Variants in COL23A1 observed in about 807,000 individuals in gnomAD.
The protein encoded by COL23A1 is collagen type XXIII alpha 1 chain.
Under a neutral mutation model 99.3 loss-of-function variants are expected in COL23A1, and 97 were observed. That is an observed-to-expected ratio of 0.98 (90% CI 0.83 to 1.16). The LOEUF (loss-of-function observed/expected upper bound fraction) is 1.16, where lower values mean the gene tolerates loss of function less well. Ranked by LOEUF, COL23A1 falls within the 50% of genes most tolerant of loss-of-function variation. COL23A1 has a pLI of 0.00. For synonymous variants in COL23A1, 320 were observed against 308.2 expected (o/e 1.04, Z -0.40); for missense variants, 762 against 757.4 (o/e 1.01, Z -0.07).
chr5:178,457,697 T>C (rs1196934634), intron 2 of COL23A1, among the ~76,000 whole-genome samples: 1 of 152,050 alleles, frequency 6.6e-6, no homozygotes, highest in Admixed American at 6.5e-5. Flanking sequence ...ATTTCACAGA[T>C]TGTTGGAGGC....
At chr5:178,358,761 GTGTA>G (rs1258986346) in intron 2 of COL23A1, among the ~76,000 whole-genome samples, 8 of 145,532 alleles carry the variant, frequency 5.5e-5, no homozygotes, top group East Asian at 3.9e-4. Flanking sequence ...ATCTGTGTGT[GTGTA>G]TGTGTGTGTA....
At chr5:178,498,978 T>C (rs1243019593) in intron 2 of COL23A1, among the ~76,000 whole-genome samples, 1 of 151,740 alleles carries the variant, frequency 6.6e-6, no homozygotes, top group Non-Finnish European at 1.5e-5. Context: ...TAATCCCAGC[T>C]ACTCAGGAGG....
chr5:178,348,594 C>T (rs1273318152), intron 2 of COL23A1, among the ~76,000 whole-genome samples: 1 of 152,194 alleles, frequency 6.6e-6, no homozygotes, highest in Non-Finnish European at 1.5e-5. Context: ...GTGCCTCACG[C>T]CCATTTACTA....
chr5:178,377,226 C>T (rs1458806479), intron 2 of COL23A1, among the ~76,000 whole-genome samples: 2 of 152,204 alleles, frequency 1.3e-5, no homozygotes, highest in Admixed American at 6.5e-5. Context: ...GATCTTCTCC[C>T]GTAACGGGCT....
chr5:178,262,060 G>C (rs1244861026), intron 10 of COL23A1, among the ~76,000 whole-genome samples, 157 bp downstream of exon 10: 1 of 152,144 alleles, frequency 6.6e-6, no homozygotes. Flanking sequence ...AGGTGCACAG[G>C]GGTCCACACA....
intron 3 of COL23A1, among the ~76,000 whole-genome samples, chr5:178,295,005 C>CAAAACAA (rs958183001): frequency 6.6e-6 from 1 of 150,882 alleles, no homozygotes; most frequent in African/African-American, 2.5e-5. Context: ...CAAAACAAAA[C>CAAAACAA]AAAACAAAAA....
intron 2 of COL23A1, among the ~76,000 whole-genome samples, chr5:178,429,685 G>A (rs1392766056): frequency 1.3e-5 from 2 of 151,738 alleles, no homozygotes; most frequent in East Asian, 2.0e-4. Context: ...ACTCCCTACT[G>A]CCTCCCCCAG....
intron 2 of COL23A1, among the ~76,000 whole-genome samples, chr5:178,440,573 T>C (rs72808860): frequency 0.058 from 8,855 of 152,172 alleles, 366 homozygotes; most frequent in Middle Eastern, 0.16. Flanking sequence ...ATGCGGTGTA[T>C]ACAGTAAGTA....
At chr5:178,358,144 GTATGTGTA>G (rs1370583587) in intron 2 of COL23A1, among the ~76,000 whole-genome samples, 1 of 149,232 alleles carries the variant, frequency 6.7e-6, no homozygotes, top group Non-Finnish European at 1.5e-5. Context: ...TAATGTGTGT[GTATGTGTA>G]TGTGTGTATG....
intron 2 of COL23A1, among the ~76,000 whole-genome samples, chr5:178,547,483 A>ACCCACCCAC (rs1159633407): frequency 8.2e-6 from 1 of 121,730 alleles, no homozygotes; most frequent in Non-Finnish European, 1.8e-5. Flanking sequence ...ACACCCACAC[A>ACCCACCCAC]CACACCCACA....
intron 2 of COL23A1, among the ~76,000 whole-genome samples, chr5:178,527,023 GA>G (rs1265032852): frequency 3.3e-5 from 5 of 152,274 alleles, no homozygotes; most frequent in Non-Finnish European, 7.3e-5. Flanking sequence ...CCAGGACGGG[GA>G]GGGGGAAGCT....
intron 2 of COL23A1, among the ~76,000 whole-genome samples, chr5:178,528,819 A>G (rs552466822): frequency 6.6e-6 from 1 of 152,334 alleles, no homozygotes; most frequent in South Asian, 2.1e-4. Context: ...TCAATAAAAC[A>G]AGTGAGTCCA....
At chr5:178,248,311 A>G in intron 19 of COL23A1, 57 bp from the exon 20 acceptor site, 1 of 1,347,778 alleles carries the variant, frequency 7.4e-7, no homozygotes, top group Non-Finnish European at 1.1e-6. Context: ...ATCACCACCC[A>G]CGGTGCTTAG....
intron 2 of COL23A1, among the ~76,000 whole-genome samples, chr5:178,421,397 G>T (rs1238666905): frequency 1.3e-5 from 2 of 152,136 alleles, no homozygotes; most frequent in Non-Finnish European, 2.9e-5. Flanking sequence ...TTATCCATAA[G>T]GTGGGAGTAA....
chr5:178,257,612 G>GC, intron 12 of COL23A1, 45 bp from the exon 13 acceptor site: 2 of 1,543,670 alleles, frequency 1.3e-6, no homozygotes, highest in Non-Finnish European at 1.8e-6. Flanking sequence ...CCCTCGGGTG[G>GC]CCAGTGGGCC....
intron 16 of COL23A1, among the ~76,000 whole-genome samples, chr5:178,253,484 A>AT (rs1227466821): frequency 9.3e-5 from 14 of 150,760 alleles, no homozygotes; most frequent in South Asian, 2.1e-4. Flanking sequence ...TTTATTTTTT[A>AT]TTTTTTTTTT....
At position 178,238,563 on chromosome 5, in the gene COL23A1, G is replaced by A. The variant is rs1764227413; in HGVS notation, c.*135C>T. 1 of 1,204,176 alleles carries A rather than the reference G, an allele frequency of 8.3e-7. No individual in the cohort carries two copies. Among genetic ancestry groups the A allele is most frequent in the Admixed American group, 1.9e-5 (1 of 52,244 alleles). The allele number at this position is 1,204,176 out of a possible 1,614,324, so 74.6% of individuals were successfully genotyped here. On this transcript the variant is annotated 3_prime_UTR_variant, in exon 29 of 29. Transcript: ENST00000390654. ...CACATGCCGGTGGCTTTGGGGCTGG[G>A]TGGGCATACTCTTGAATGTTAAAAG... is the stretch of plus-strand genomic sequence containing the variant.
chr5:178,337,462 CAT>C (rs1243706964), intron 2 of COL23A1, among the ~76,000 whole-genome samples: 4 of 152,340 alleles, frequency 2.6e-5, no homozygotes, highest in Admixed American at 6.5e-5. Context: ...AGTTCAAACA[CAT>C]GAGACCCTTC....
At position 178,347,393 on chromosome 5, in the gene COL23A1, ACACGGGGATGCCAGAGCCTGGGGGACGGG is replaced by A. The variant is rs1354029155; in HGVS notation, c.362-40503_362-40475del. ...AATCCAGAGAGACTGAAAGAAGTAG[ACACGGGGATGCCAGAGCCTGGGGGACGGG>A]CATGGGGGGAGGGGTATGGGGAGGG... is the stretch of plus-strand genomic sequence containing the variant. On this transcript the variant is annotated intron_variant, in intron 2 of 28. Transcript: ENST00000390654. Among the ~76,000 whole-genome samples the A allele has an allele frequency of 5.3e-5, 8 of 151,538 alleles. No homozygotes were observed. The East Asian group carries it at 1.2e-3, about 22-fold the overall frequency.
Sources: gnomAD v4.1 joint callset for allele counts (sites outside exome capture counted in the v4.1 genomes callset) on GRCh38, gnomAD v4.1.1 for gene constraint, MANE v1.5 for transcripts, NCBI Gene and HGNC (gene_info 2026-07-23, HGNC 2026-07-21) for gene names.